The following ANO5 variants were observed in gnomAD, a reference collection of about 807,000 sequenced individuals.
ANO5 encodes anoctamin-5.
ANO5 carries 109 observed loss-of-function variants against 121.0 expected under a neutral mutation model. That is an observed-to-expected ratio of 0.90 (90% CI 0.77 to 1.06). ANO5 has a LOEUF of 1.06. Among genes scored for constraint, ANO5 ranks in the 50% least tolerant of loss-of-function variants. ANO5 has a pLI of 0.00. For missense variants in ANO5, 1,064 were observed against 1,078.5 expected (o/e 0.99, Z 0.19); for synonymous variants, 406 against 359.9 (o/e 1.13, Z -1.45).
chr11:22,274,754 T>G lies in ANO5; in HGVS notation c.2414+7T>G, dbSNP rs1464506446. On this transcript the variant is annotated splice_region_variant and intron_variant, in intron 20 of 21. Transcript: ENST00000324559. ...GAGACTTCATCACTTGCAGGTGATT[T>G]GTTTGTTTGTTTGTTTAGGTTTTAG... The G allele has an allele frequency of 3.7e-6, 6 of 1,610,372 alleles. No individual in the cohort carries two copies. Among genetic ancestry groups the G allele is most frequent in the African/African-American group, 1.3e-5 (1 of 74,858 alleles).
chr11:22,274,100 C>A (rs7937738), intron 19 of ANO5, among the ~76,000 whole-genome samples: 3 of 151,570 alleles, frequency 2.0e-5, no homozygotes, highest in African/African-American at 4.9e-5. Context: ...TAATTGCACC[C>A]AACTGTGAGA....
chr11:22,234,121 T>C (rs1331693937), intron 7 of ANO5, among the ~76,000 whole-genome samples: 1 of 152,124 alleles, frequency 6.6e-6, no homozygotes, highest in Non-Finnish European at 1.5e-5. Flanking sequence ...ACCCATTGAT[T>C]GGAAAATTTG....
intron 19 of ANO5, among the ~76,000 whole-genome samples, chr11:22,274,108 A>T (rs1279458593): frequency 6.6e-6 from 1 of 151,950 alleles, no homozygotes; most frequent in Non-Finnish European, 1.5e-5. Flanking sequence ...CCCAACTGTG[A>T]GAAATTTACA....
intron 14 of ANO5, among the ~76,000 whole-genome samples, chr11:22,258,806 A>T (rs563721825): frequency 1.3e-5 from 2 of 152,328 alleles, no homozygotes; most frequent in East Asian, 3.9e-4. Flanking sequence ...TCTCTGGAAC[A>T]TAATTGCCTT....
intron 1 of ANO5, among the ~76,000 whole-genome samples, chr11:22,197,370 T>C (rs893595487): frequency 6.7e-6 from 1 of 149,026 alleles, no homozygotes; most frequent in African/African-American, 2.5e-5. Flanking sequence ...TTTTTTGAGG[T>C]CTTACTCTGT....
intron 15 of ANO5, among the ~76,000 whole-genome samples, chr11:22,260,510 T>C (rs762895271): frequency 1.3e-5 from 2 of 152,210 alleles, no homozygotes; most frequent in African/African-American, 2.4e-5. Context: ...GAGACTTTCA[T>C]TATATACTAT....
At chr11:22,212,059 A>G (rs755875446) in intron 3 of ANO5, among the ~76,000 whole-genome samples, 1 of 151,896 alleles carries the variant, frequency 6.6e-6, no homozygotes, top group Non-Finnish European at 1.5e-5. Flanking sequence ...CAGATCAAAT[A>G]ACATTTAGAT....
intron 5 of ANO5, among the ~76,000 whole-genome samples, chr11:22,225,755 T>G (rs1852804030): frequency 6.6e-6 from 1 of 152,230 alleles, no homozygotes; most frequent in South Asian, 2.1e-4. Context: ...AGATAGAGGC[T>G]CTGCATATTT....
At chr11:22,197,113 T>A (rs938058657) in intron 1 of ANO5, among the ~76,000 whole-genome samples, 6 of 152,188 alleles carry the variant, frequency 3.9e-5, no homozygotes, top group African/African-American at 9.7e-5. Context: ...TTTATAAAAT[T>A]GATTGTAAGA....
intron 3 of ANO5, 79 bp downstream of exon 3, chr11:22,211,393 T>C: frequency 6.9e-7 from 1 of 1,443,042 alleles, no homozygotes; most frequent in Non-Finnish European, 9.7e-7. Context: ...GATGATACTC[T>C]TTTCCAGTTC....
intron 13 of ANO5, among the ~76,000 whole-genome samples, chr11:22,257,245 G>A (rs1277138568): frequency 6.6e-6 from 1 of 152,058 alleles, no homozygotes; most frequent in Non-Finnish European, 1.5e-5. Context: ...CTATGTGGAA[G>A]AACACAGTTT....
rs1421288004 is a variant in ANO5, at chr11:22,259,148, A to AG, written c.1408-371_1408-370insG. The stretch of plus-strand genomic sequence containing the variant: ...ACTCTGTCTCAAAAAAAAAAAAAAA[A>AG]AGAGAAAAAAACACAAAAGAACATT... On this transcript the variant is annotated intron_variant, in intron 14 of 21. Transcript: ENST00000324559. Among the ~76,000 whole-genome samples the AG allele has an allele frequency of 5.3e-5, 8 of 150,674 alleles. No homozygotes were observed. The East Asian group carries it at 1.6e-3, about 29-fold the overall frequency.
At chr11:22,271,453 A>G (rs995901160) in intron 18 of ANO5, among the ~76,000 whole-genome samples, 1 of 152,222 alleles carries the variant, frequency 6.6e-6, no homozygotes, top group African/African-American at 2.4e-5. Context: ...TATGTGATAC[A>G]TGGATTGAAA....
At position 22,270,431 on chromosome 11, in the gene ANO5, AC is replaced by A; in HGVS notation, c.2019del (p.Leu674Ter). Reference protein sequence around the residue: ...SFGPLGLFYEYLETVTQFGFV... With the variant: ...SFGPLGLFYEXLETVTQFGFV... ...GGACCCCTTGGGCTTTTCTATGAGT[AC>A]TTAGAAACAGGTAATTTTTAACCAC... On this transcript the variant is annotated frameshift_variant, in exon 18 of 22. Transcript: ENST00000324559. LOFTEE classifies it high-confidence loss of function. The A allele has an allele frequency of 1.2e-6, 2 of 1,614,146 alleles. No individual in the cohort carries two copies. Among genetic ancestry groups the A allele is most frequent in the Non-Finnish European group, 1.7e-6 (2 of 1,179,994 alleles).
At chr11:22,248,435 C>G (rs1057125125) in intron 9 of ANO5, among the ~76,000 whole-genome samples, 1 of 152,008 alleles carries the variant, frequency 6.6e-6, no homozygotes, top group Non-Finnish European at 1.5e-5. Context: ...TTATGACTAA[C>G]AAGATAGTTT....
At chr11:22,243,697 A>G in intron 9 of ANO5, among the ~76,000 whole-genome samples, 1 of 36,196 alleles carries the variant, frequency 2.8e-5, no homozygotes, top group Non-Finnish European at 1.2e-4. Context: ...TTTCTAATTT[A>G]TGTGCATAGA....
At chr11:22,215,019 T>A (rs150476173) in intron 3 of ANO5, among the ~76,000 whole-genome samples, 1 of 152,058 alleles carries the variant, frequency 6.6e-6, no homozygotes, top group East Asian at 1.9e-4. Context: ...AGCCACTAAA[T>A]GAAATACAGA....
intron 9 of ANO5, among the ~76,000 whole-genome samples, chr11:22,245,117 A>G (rs914519340): frequency 6.6e-6 from 1 of 152,142 alleles, no homozygotes; most frequent in East Asian, 1.9e-4. Context: ...TGGGTTTCAC[A>G]GTTTTGTATA....
chr11:22,276,318 T>C, intron 21 of ANO5, 119 bp downstream of exon 21: 2 of 837,002 alleles, frequency 2.4e-6, no homozygotes, highest in Non-Finnish European at 4.0e-6. Context: ...GAAGGAAGTA[T>C]TGTATTTGTA....
Sources: gnomAD v4.1 joint callset for allele counts (sites outside exome capture counted in the v4.1 genomes callset) on GRCh38, gnomAD v4.1.1 for gene constraint, MANE v1.5 for transcripts, NCBI Gene and HGNC (gene_info 2026-07-23, HGNC 2026-07-21) for gene names.